LAMC3: variants seen among roughly 807,000 people sequenced by gnomAD.
The protein encoded by LAMC3 is laminin subunit gamma 3, also known as laminin subunit gamma-3.
In LAMC3, 128 loss-of-function variants were observed where a neutral mutation model predicts 173.8. The observed-to-expected ratio is 0.74, with a 90% CI of 0.64 to 0.85. LAMC3 has a LOEUF of 0.85. Among genes scored for constraint, LAMC3 ranks in the 40% least tolerant of loss-of-function variants. The pLI is 0.00. For synonymous variants in LAMC3, 897 were observed against 909.1 expected, an observed-to-expected ratio of 0.99 and a Z score of 0.24; for missense variants, 2,022 against 2,156.0, an observed-to-expected ratio of 0.94 and a Z score of 1.23.
intron 1 of LAMC3, among the ~76,000 whole-genome samples, chr9:131,010,152 CAAAAAAAAA>C (rs35239233): frequency 1.1e-3 from 42 of 39,604 alleles, no homozygotes; most frequent in Admixed American, 2.5e-3. Flanking sequence ...AACTCCGTCT[CAAAAAAAAA>C]AAAAAAAAAA....
intron 27 of LAMC3, among the ~76,000 whole-genome samples, chr9:131,089,584 C>T (rs1271900809): frequency 1.4e-5 from 2 of 143,808 alleles, no homozygotes; most frequent in African/African-American, 5.1e-5. Flanking sequence ...AAAATATGTT[C>T]CCTATGTTGC....
intron 1 of LAMC3, among the ~76,000 whole-genome samples, chr9:131,018,222 C>T (rs1356232341): frequency 6.6e-6 from 1 of 150,676 alleles, no homozygotes; most frequent in East Asian, 2.0e-4. Flanking sequence ...GCAACCTCTG[C>T]CTCCTACGTT....
At chr9:131,028,949 C>G (rs1833778557) in intron 2 of LAMC3, among the ~76,000 whole-genome samples, 1 of 152,236 alleles carries the variant, frequency 6.6e-6, no homozygotes, top group Non-Finnish European at 1.5e-5. Context: ...ATGTGTGAGC[C>G]ACCACACCTG....
chr9:131,034,697 C>T (rs1219251225), intron 3 of LAMC3, among the ~76,000 whole-genome samples: 2 of 152,250 alleles, frequency 1.3e-5, no homozygotes, highest in African/African-American at 4.8e-5. Flanking sequence ...GAAGCTATTG[C>T]CTTGGCCAGG....
chr9:131,066,445 C>G (rs1455613188), intron 13 of LAMC3, among the ~76,000 whole-genome samples: 2 of 151,180 alleles, frequency 1.3e-5, no homozygotes, highest in South Asian at 2.1e-4. Flanking sequence ...GAGCCGAGAT[C>G]GTACCACACT....
rs932062681 is a variant in LAMC3 at position 131,092,272 on chromosome 9, G to T, written c.*485G>T. 4.9e-5 allele frequency: 10 copies of T among 205,526 alleles called. No individual in the cohort carries two copies. Among genetic ancestry groups the T allele is most frequent in the African/African-American group, 2.3e-4 (10 of 43,708 alleles). The allele number at this position is 205,526 out of a possible 1,614,324, so 12.7% of individuals were successfully genotyped here. A position where few individuals can be genotyped will look rare whatever the true frequency, so the allele number is the denominator to read the frequency against. Reference sequence around the variant, plus strand: ...TCCAGATAGCAGGGAGGTCTCAGCAGATCTGCAGAGATCAAGGGGGTCAGC... The same window carrying T: ...TCCAGATAGCAGGGAGGTCTCAGCATATCTGCAGAGATCAAGGGGGTCAGC... On this transcript the variant is annotated 3_prime_UTR_variant, in exon 28 of 28. Coordinates refer to ENST00000361069, the MANE Select transcript of LAMC3 (RefSeq NM_006059.4).
chr9:131,060,808 G>C (rs1262185464), intron 12 of LAMC3, among the ~76,000 whole-genome samples: 1 of 152,114 alleles, frequency 6.6e-6, no homozygotes, highest in Admixed American at 6.5e-5. Context: ...TGAGGTGTGG[G>C]GGCATCAGAC....
At chr9:131,023,801 G>T (rs1196014612) in intron 1 of LAMC3, among the ~76,000 whole-genome samples, 1 of 152,024 alleles carries the variant, frequency 6.6e-6, no homozygotes, top group African/African-American at 2.4e-5. Context: ...ATGAGGTTTC[G>T]TCATGTTGCC....
At chr9:131,039,612 G>A (rs534037664) in intron 6 of LAMC3, among the ~76,000 whole-genome samples, 115 of 151,562 alleles carry the variant, frequency 7.6e-4, no homozygotes, top group Middle Eastern at 6.8e-3. Context: ...GGGTGAGGGG[G>A]AGGCTGCGTG....
At chr9:131,025,703 T>C (rs1319789507) in intron 1 of LAMC3, among the ~76,000 whole-genome samples, 2 of 151,828 alleles carry the variant, frequency 1.3e-5, no homozygotes, top group Non-Finnish European at 1.5e-5. Flanking sequence ...TTCTGTGGAG[T>C]GGCCCAGAGA....
At chr9:131,088,467 C>T (rs888898338) in intron 27 of LAMC3, among the ~76,000 whole-genome samples, 3 of 152,132 alleles carry the variant, frequency 2.0e-5, no homozygotes, top group African/African-American at 7.2e-5. Context: ...AAGGGAATAG[C>T]ACCTCCCAAG....
rs1830255131 is a variant in LAMC3 at position 131,082,261 on chromosome 9, G to T, written c.4030+100G>T. 4 of 856,888 alleles carry T rather than the reference G, an allele frequency of 4.7e-6. No homozygotes were observed. The East Asian group carries it at 1.1e-4, about 23-fold the overall frequency. 53.1% of individuals were successfully genotyped at this position (856,888 alleles called of 1,614,324 possible). A position where few individuals can be genotyped will look rare whatever the true frequency, so the allele number is the denominator to read the frequency against. Reference sequence around the variant, plus strand: ...CAGGGCAGGCTTGCAGAGGACAGGAGTCTGGTCTTGTGGGCTTAATTAAGC... The same window carrying T: ...CAGGGCAGGCTTGCAGAGGACAGGATTCTGGTCTTGTGGGCTTAATTAAGC... On this transcript the variant is annotated intron_variant, in intron 24 of 27. Coordinates refer to ENST00000361069, the MANE Select transcript of LAMC3 (RefSeq NM_006059.4).
At chr9:131,019,400 C>G (rs7868734) in intron 1 of LAMC3, among the ~76,000 whole-genome samples, 105,917 of 152,152 alleles carry the variant, frequency 0.7, 38,697 homozygotes, top group African/African-American at 0.92. Flanking sequence ...AATGCTTGCC[C>G]GATGAATGAG....
intron 18 of LAMC3, among the ~76,000 whole-genome samples, chr9:131,072,129 A>C (rs942318912): frequency 2.6e-5 from 3 of 115,630 alleles, no homozygotes; most frequent in Non-Finnish European, 5.5e-5. Flanking sequence ...CCTTGTTTCT[A>C]TGAATGGAAG....
Position 131,090,614 on chromosome 9 carries a change from G to C in LAMC3, c.4478-923G>C, listed in dbSNP as rs1427333217. ...GGTTAGAAGCAGCCACTTGGGGCTG[G>C]GCATGGTGGCTCATGCCTGCAATCC... On this transcript the variant is annotated intron_variant, in intron 27 of 27. Coordinates refer to ENST00000361069, the MANE Select transcript of LAMC3 (RefSeq NM_006059.4). 2.0e-5 allele frequency among the ~76,000 whole-genome samples: 3 copies of C among 152,204 alleles called. No individual in the cohort carries two copies. The East Asian group carries it at 5.8e-4, about 29-fold the overall frequency.
intron 13 of LAMC3, among the ~76,000 whole-genome samples, chr9:131,064,870 G>A (rs940993676): frequency 3.3e-5 from 5 of 151,500 alleles, no homozygotes; most frequent in Admixed American, 6.6e-5. Flanking sequence ...ACAAGAACCC[G>A]TCTCTAGTGA....
At chr9:131,042,167 T>G (rs1369458180) in intron 7 of LAMC3, among the ~76,000 whole-genome samples, 1 of 151,734 alleles carries the variant, frequency 6.6e-6, no homozygotes, top group Non-Finnish European at 1.5e-5. Flanking sequence ...ATCACAGGCC[T>G]CCCGTTTCAC....
intron 1 of LAMC3, among the ~76,000 whole-genome samples, chr9:131,013,909 C>T (rs569836379): frequency 5.3e-5 from 8 of 152,332 alleles, no homozygotes; most frequent in African/African-American, 1.9e-4. Context: ...GTCTTCCTGT[C>T]GAGTGGGCGG....
chr9:131,046,750 G>A (rs1834170475), intron 8 of LAMC3, among the ~76,000 whole-genome samples: 1 of 151,982 alleles, frequency 6.6e-6, no homozygotes, highest in African/African-American at 2.4e-5. Context: ...AGCAGAGCTC[G>A]GAGCTCTGCA....
Sources: allele counts gnomAD v4.1 joint callset (sites outside exome capture counted in the v4.1 genomes callset), GRCh38; gene constraint gnomAD v4.1.1; transcripts MANE v1.5; gene names NCBI Gene and HGNC (gene_info 2026-07-23, HGNC 2026-07-21).